The following YWHAZ variants were observed in gnomAD, a reference collection of about 807,000 sequenced individuals.
YWHAZ encodes tyrosine 3-monooxygenase/tryptophan 5-monooxygenase activation protein zeta.
For synonymous variants in YWHAZ, 87 were observed against 103.6 expected (o/e 0.84, Z 0.97); for missense variants, 79 against 284.8 (o/e 0.28, Z 5.20).
Position 100,948,207 on chromosome 8 carries a change from T to A in YWHAZ, c.294+389A>T. ...ACTATTTCTACAATGAGTATCCTAT[T>A]ACATCTCTCTTACCTAAAGTATGTA... is the stretch of plus-strand genomic sequence containing the variant. On this transcript the variant is annotated intron_variant, in intron 2 of 5. Transcript: ENST00000395958. The surrounding 1 kb of genome is among the most constrained non-coding windows in gnomAD (Gnocchi z 4.2). The A allele has an allele frequency of 7.3e-7, 1 of 1,369,862 alleles. No homozygotes were observed. Among genetic ancestry groups the A allele is most frequent in the Non-Finnish European group, 9.8e-7 (1 of 1,015,726 alleles). The allele number at this position is 1,369,862 out of a possible 1,614,324, so 84.9% of individuals were successfully genotyped here. A position where few individuals can be genotyped will look rare whatever the true frequency, so the allele number is the denominator to read the frequency against.
chr8:100,953,013 G>A, upstream of YWHAZ: 1 of 999,208 alleles, frequency 1.0e-6, no homozygotes, highest in African/African-American at 1.7e-5. Context: ...CGCCGAGGTG[G>A]GGGCGAGGTG....
intron 2 of YWHAZ, among the ~76,000 whole-genome samples, chr8:100,940,741 G>C (rs1463260679): frequency 1.3e-5 from 2 of 152,208 alleles, no homozygotes; most frequent in African/African-American, 2.4e-5. Context: ...GAGGTAGATA[G>C]TATTATTCCC....
intron 2 of YWHAZ, among the ~76,000 whole-genome samples, chr8:100,946,846 C>T (rs1810315782): frequency 6.9e-6 from 1 of 144,302 alleles, no homozygotes; most frequent in Non-Finnish European, 1.5e-5. Flanking sequence ...CTGAACAAAA[C>T]TGAATTACAC....
In YWHAZ at chr8:100,924,021, A is replaced by G; in HGVS notation, c.612T>C (p.Asp204=). The change falls in exon 5 of 6, where the codon GAT becomes GAC. Residue 204 remains aspartate, a synonymous_variant. Transcript: ENST00000395958. The surrounding 1 kb of genome is among the most constrained non-coding windows in gnomAD (Gnocchi z 5.7). ...CTTTGTATGACTCTTCACTTAATGT[A>G]TCAAGTTCAGCAATGGCTTCATCAA... ...TAFDEAIAEL[D]TLSEESYKDS... 1.2e-6 allele frequency: 2 copies of G among 1,611,796 alleles called. No individual in the cohort carries two copies. The highest frequency in any genetic ancestry group is 2.2e-5 in the East Asian group (1 of 44,858).
At chr8:100,920,900 A>G (rs1812978938) in intron 5 of YWHAZ, 148 bp from the exon 6 acceptor site, 2 of 710,920 alleles carry the variant, frequency 2.8e-6, no homozygotes, top group Admixed American at 5.5e-5. Context: ...AGATACAAAA[A>G]CATCTCAATA....
chr8:100,953,207 G>A (rs1344875563), upstream of YWHAZ: 2 of 985,222 alleles, frequency 2.0e-6, no homozygotes, highest in Non-Finnish European at 2.4e-6. Flanking sequence ...TCGTAGGCTA[G>A]GTTTTCCTAC....
At chr8:100,943,709 G>A (rs1457004394) in intron 2 of YWHAZ, among the ~76,000 whole-genome samples, 11 of 152,114 alleles carry the variant, frequency 7.2e-5, no homozygotes, top group Admixed American at 3.3e-4. Flanking sequence ...TGTCCAGGCC[G>A]GGCGCGGTGG....
chr8:100,940,151 A>G (rs1379113266), intron 2 of YWHAZ, among the ~76,000 whole-genome samples: 1 of 152,138 alleles, frequency 6.6e-6, no homozygotes, highest in East Asian at 1.9e-4. Context: ...TATAAACTTA[A>G]AAATTATTGA....
chr8:100,952,013 ACT>A lies in YWHAZ; in HGVS notation c.-98_-97del, dbSNP rs1333819459. 12 of 999,682 alleles carry A rather than the reference ACT, an allele frequency of 1.2e-5. No homozygotes were observed. Among genetic ancestry groups the A allele is most frequent in the Admixed American group, 1.2e-4 (2 of 16,410 alleles). 61.9% of individuals were successfully genotyped at this position (999,682 alleles called of 1,614,324 possible). On this transcript the variant is annotated 5_prime_UTR_variant, in exon 1 of 6. Transcript: ENST00000395958. ...CGGCGGCAGCAGCGGCGAGGCTGAGACTCTGTCCCTGGATCTCGCTGCTCACA... is the reference window on the plus strand; with the variant it reads ...CGGCGGCAGCAGCGGCGAGGCTGAGACTGTCCCTGGATCTCGCTGCTCACA...
intron 5 of YWHAZ, among the ~76,000 whole-genome samples, chr8:100,921,892 A>G (rs944551789): frequency 3.3e-5 from 5 of 152,264 alleles, no homozygotes; most frequent in Non-Finnish European, 7.3e-5. Flanking sequence ...TAAATTTTAT[A>G]TATGACTTAC....
At chr8:100,950,592 G>A (rs1810653716) in intron 1 of YWHAZ, 1 of 985,528 alleles carries the variant, frequency 1.0e-6, no homozygotes, top group Non-Finnish European at 1.2e-6. Context: ...ACCTACTGCA[G>A]AGTGTTAATT....
At chr8:100,925,147 C>T in intron 2 of YWHAZ, 108 bp from the exon 3 acceptor site, 1 of 1,132,580 alleles carries the variant, frequency 8.8e-7, no homozygotes, top group Non-Finnish European at 1.2e-6. Context: ...AACTTAAACA[C>T]CCAGTCACTG....
chr8:100,930,644 A>G (rs902650639), intron 2 of YWHAZ, among the ~76,000 whole-genome samples: 5 of 152,148 alleles, frequency 3.3e-5, no homozygotes, highest in African/African-American at 9.7e-5. Context: ...TGTAAGTTTT[A>G]CTTTTTTCCC....
chr8:100,936,980 T>G (rs886949769), intron 2 of YWHAZ, among the ~76,000 whole-genome samples: 3 of 152,194 alleles, frequency 2.0e-5, no homozygotes, highest in African/African-American at 7.2e-5. Context: ...ATGCAAAGTG[T>G]AATTCTGGAT....
At chr8:100,951,648 G>C in intron 1 of YWHAZ, 1 of 985,296 alleles carries the variant, frequency 1.0e-6, no homozygotes, top group Non-Finnish European at 1.2e-6. Flanking sequence ...TCTCGCGTGT[G>C]GGCGCCCTAC....
chr8:100,948,602 A>G lies in YWHAZ; in HGVS notation c.288T>C (p.Asp96=), dbSNP rs767335395. 1 of 1,611,300 alleles carries G rather than the reference A, an allele frequency of 6.2e-7. No homozygotes were observed. Among genetic ancestry groups the G allele is most frequent in the Admixed American group, 1.7e-5 (1 of 59,962 alleles). ...AGACTGAATTGATTCTCACCAGTACATCATTGCAGATATCTCTTAGCTCCG... is the reference window on the plus strand; with the variant it reads ...AGACTGAATTGATTCTCACCAGTACGTCATTGCAGATATCTCTTAGCTCCG... The part of the protein sequence containing the change: ...IETELRDICN[D]VLSLLEKFLI... Residue 96 remains aspartate, a synonymous_variant, in exon 2 of 6, where the codon GAT becomes GAC. Transcript: ENST00000395958. The surrounding 1 kb of genome is among the most constrained non-coding windows in gnomAD (Gnocchi z 4.2).
At chr8:100,942,502 AC>A (rs1278146991) in intron 2 of YWHAZ, among the ~76,000 whole-genome samples, 1 of 152,208 alleles carries the variant, frequency 6.6e-6, no homozygotes, top group Admixed American at 6.5e-5. Context: ...ACCAAAATTT[AC>A]ATTTGTGCCA....
chr8:100,953,313 C>T (rs923273820), upstream of YWHAZ: 9 of 985,434 alleles, frequency 9.1e-6, no homozygotes, highest in African/African-American at 1.4e-4. Flanking sequence ...TCGTAGTCCC[C>T]AGGGTTCCAG....
At chr8:100,943,300 G>C (rs983492405) in intron 2 of YWHAZ, among the ~76,000 whole-genome samples, 2 of 152,158 alleles carry the variant, frequency 1.3e-5, no homozygotes, top group Non-Finnish European at 2.9e-5. Context: ...AATCACAATA[G>C]GGAACCAGGA....
Sources: gnomAD v4.1 joint callset for allele counts (sites outside exome capture counted in the v4.1 genomes callset) on GRCh38, gnomAD v4.1.1 for gene constraint, Gnocchi (gnomAD v3.1) non-coding constraint, MANE v1.5 for transcripts, NCBI Gene and HGNC (gene_info 2026-07-23, HGNC 2026-07-21) for gene names.